Variants in ACVR1 observed in about 807,000 individuals in gnomAD.
ACVR1 encodes activin A receptor type 1, also known as activin receptor type-1.
In ACVR1, 38 loss-of-function variants were observed where a neutral mutation model predicts 57.1. The observed-to-expected ratio is 0.67, with a 90% CI of 0.51 to 0.87. The LOEUF (loss-of-function observed/expected upper bound fraction) is 0.87. Ranked by LOEUF, ACVR1 falls within the 40% of genes least tolerant of loss-of-function variation. ACVR1 has a pLI of 0.00. For synonymous variants in ACVR1, 212 were observed against 228.1 expected (o/e 0.93, Z 0.63); for missense variants, 463 against 638.2 (o/e 0.73, Z 2.96).
chr2:157,856,901 A>C (rs924825271), intron 1 of ACVR1, among the ~76,000 whole-genome samples: 7 of 152,146 alleles, frequency 4.6e-5, no homozygotes, highest in African/African-American at 1.7e-4. Context: ...AATCCTGTTG[A>C]AAATATACAA....
At position 157,778,193 on chromosome 2, in the gene ACVR1, C is replaced by T. The variant is rs1686365704; in HGVS notation, c.481G>A (p.Asp161Asn). 2 of 1,614,000 alleles carry T rather than the reference C, an allele frequency of 1.2e-6. No individual in the cohort carries two copies. The highest frequency in any genetic ancestry group is 1.7e-6 in the Non-Finnish European group (2 of 1,179,984). ...CCTTCGATAGTGCCATACTCCACGT[C>T]TCGGGGATTGAGGCGTTCTTGGTTG... ...RRNQERLNPR[D>N]VEYGTIEGLI... Residue 161 changes from aspartate (D) to asparagine (N), a missense_variant, in exon 5 of 11, where the codon GAC becomes AAC. Asp to Asn is a conservative substitution (Grantham distance 23, BLOSUM62 1). This residue lies in a region of ACVR1 where 203 missense variants were observed against 235.5 expected (regional missense o/e 0.86). Coordinates refer to ENST00000434821, the MANE Select transcript of ACVR1 (RefSeq NM_001111067.4).
At chr2:157,758,309 A>G (rs1574027762) in intron 9 of ACVR1, among the ~76,000 whole-genome samples, 1 of 152,052 alleles carries the variant, frequency 6.6e-6, no homozygotes, top group African/African-American at 2.4e-5. Context: ...ACCAAAATAC[A>G]TAGATACTCA....
At chr2:157,764,153 T>C (rs1247842764) in intron 8 of ACVR1, among the ~76,000 whole-genome samples, 1 of 152,074 alleles carries the variant, frequency 6.6e-6, no homozygotes, top group East Asian at 1.9e-4. Flanking sequence ...GGGCTTATTT[T>C]TTAGTTACAT....
At chr2:157,756,621 C>T (rs956787387) in intron 9 of ACVR1, among the ~76,000 whole-genome samples, 6 of 151,850 alleles carry the variant, frequency 4.0e-5, no homozygotes, top group South Asian at 4.2e-4. Flanking sequence ...AACTTACTTG[C>T]GCAAGAATGG....
chr2:157,739,884 T>A (rs1684685980), intron 9 of ACVR1, among the ~76,000 whole-genome samples: 1 of 152,162 alleles, frequency 6.6e-6, no homozygotes, highest in South Asian at 2.1e-4. Flanking sequence ...AAGTCTAAAT[T>A]ATATTTTTTA....
intron 1 of ACVR1, among the ~76,000 whole-genome samples, chr2:157,853,247 T>C (rs1689386629): frequency 6.6e-6 from 1 of 152,186 alleles, no homozygotes; most frequent in African/African-American, 2.4e-5. Context: ...AGAAATTTAC[T>C]TTCCCACAGT....
chr2:157,775,586 C>T (rs1194201624), intron 5 of ACVR1, among the ~76,000 whole-genome samples: 1 of 152,112 alleles, frequency 6.6e-6, no homozygotes, highest in African/African-American at 2.4e-5. Flanking sequence ...GAGCATCCAA[C>T]GGAAGAAATT....
At chr2:157,789,578 C>T (rs1367661458) in intron 3 of ACVR1, among the ~76,000 whole-genome samples, 2 of 152,220 alleles carry the variant, frequency 1.3e-5, no homozygotes, top group Non-Finnish European at 2.9e-5. Context: ...CCAGAGCCTG[C>T]TTCCATCCAC....
At chr2:157,778,380 A>T (rs1362833796) in intron 4 of ACVR1, 38 bp from the exon 5 acceptor site, 1 of 1,522,808 alleles carries the variant, frequency 6.6e-7, no homozygotes, top group Non-Finnish European at 9.1e-7. Flanking sequence ...AGTTGTAAGG[A>T]TCACTGCTTA....
intron 1 of ACVR1, chr2:157,874,823 G>A (rs550707435): frequency 6.6e-6 from 1 of 152,096 alleles, no homozygotes; most frequent in Non-Finnish European, 1.5e-5. Context: ...CCTCAAAAAA[G>A]AAAGAAAAGC....
At chr2:157,836,972 A>G (rs187898273) in intron 1 of ACVR1, among the ~76,000 whole-genome samples, 1 of 152,348 alleles carries the variant, frequency 6.6e-6, no homozygotes, top group East Asian at 1.9e-4. Context: ...ATCTGCACCC[A>G]TGAACAGGAA....
At chr2:157,847,151 C>T (rs1253116631) in intron 1 of ACVR1, among the ~76,000 whole-genome samples, 1 of 152,190 alleles carries the variant, frequency 6.6e-6, no homozygotes, top group African/African-American at 2.4e-5. Flanking sequence ...ACCTATTTTA[C>T]ATTTGAACTT....
In ACVR1 at chr2:157,760,948, T is replaced by C. The variant is rs1331769971; in HGVS notation, c.1196A>G (p.Tyr399Cys). 1 of 1,614,182 alleles carries C rather than the reference T, an allele frequency of 6.2e-7. No homozygotes were observed. The highest frequency in any genetic ancestry group is 1.3e-5 in the African/African-American group (1 of 75,058). ...AAAGGCCCAAATATCGACCCTTTTA[T>C]AAGAATCGAAACAATCCACCTGGAT... is the stretch of plus-strand genomic sequence containing the variant. The part of the protein sequence containing the change: ...ETIQVDCFDS[Y>C]KRVDIWAFGL... Residue 399 changes from tyrosine (Y) to cysteine (C), a missense_variant, in exon 9 of 11, where the codon TAT (tyrosine) becomes TGT (cysteine). Tyr to Cys is a radical substitution (Grantham distance 194). This residue lies in a region of ACVR1 where 146 missense variants were observed against 186.6 expected (regional missense o/e 0.78). Transcript: ENST00000434821.
At chr2:157,814,497 C>G (rs1490395445) in intron 2 of ACVR1, among the ~76,000 whole-genome samples, 1 of 152,170 alleles carries the variant, frequency 6.6e-6, no homozygotes. Flanking sequence ...CAGGCAAGGG[C>G]ATGAGAAAAC....
At chr2:157,851,806 A>G (rs1689312081) in intron 1 of ACVR1, among the ~76,000 whole-genome samples, 1 of 150,632 alleles carries the variant, frequency 6.6e-6, no homozygotes, top group African/African-American at 2.4e-5. Context: ...ACTCTTCCCA[A>G]TCTTGTGACC....
At chr2:157,872,638 G>T (rs1000756524) in intron 1 of ACVR1, among the ~76,000 whole-genome samples, 68 of 152,038 alleles carry the variant, frequency 4.5e-4, no homozygotes, top group African/African-American at 1.5e-3. Context: ...TATTTCCTGG[G>T]GTCTTATCGA....
intron 2 of ACVR1, among the ~76,000 whole-genome samples, chr2:157,808,132 T>G (rs914818485): frequency 6.6e-6 from 1 of 152,156 alleles, no homozygotes; most frequent in African/African-American, 2.4e-5. Context: ...ACTTAACAAC[T>G]AGGTGAGATT....
chr2:157,750,897 TAA>T (rs546275605), intron 9 of ACVR1, among the ~76,000 whole-genome samples: 152 of 146,820 alleles, frequency 1.0e-3, no homozygotes, highest in Middle Eastern at 6.9e-3. Flanking sequence ...TGGGTATCAT[TAA>T]AAAAAAAAAT....
intron 7 of ACVR1, 93 bp from the exon 8 acceptor site, chr2:157,766,289 CT>C: frequency 7.5e-7 from 1 of 1,341,436 alleles, no homozygotes; most frequent in Non-Finnish European, 1.1e-6. Context: ...TAAATGTCAT[CT>C]GTAACAAAAA....
Sources: allele counts gnomAD v4.1 joint callset (sites outside exome capture counted in the v4.1 genomes callset), GRCh38; gene constraint gnomAD v4.1.1; regional missense constraint gnomAD v4.1.1; transcripts MANE v1.5; gene names NCBI Gene and HGNC (gene_info 2026-07-23, HGNC 2026-07-21).